Variants in TAFA2 observed in about 807,000 individuals in gnomAD.
The protein encoded by TAFA2 is chemokine-like protein TAFA-2.
TAFA2 carries 7 observed loss-of-function variants against 18.8 expected under a neutral mutation model. The observed-to-expected ratio is 0.37, with a 90% CI of 0.21 to 0.70. The LOEUF is 0.70. Among genes scored for constraint, TAFA2 ranks in the 30% least tolerant of loss-of-function variants. The pLI, the probability that TAFA2 is intolerant of heterozygous loss-of-function variation, is 0.53. For synonymous variants in TAFA2, 60 were observed against 54.2 expected, an observed-to-expected ratio of 1.11 and a Z score of -0.47; for missense variants, 122 against 158.1, an observed-to-expected ratio of 0.77 and a Z score of 1.23.
chr12:61,877,906 T>C (rs1380520813), intron 1 of TAFA2, among the ~76,000 whole-genome samples: 1 of 133,974 alleles, frequency 7.5e-6, no homozygotes, highest in African/African-American at 3.1e-5. Context: ...GTGATTTTTA[T>C]ATATATATAT....
At chr12:62,005,699 A>G (rs755287580) in intron 1 of TAFA2, among the ~76,000 whole-genome samples, 3 of 152,116 alleles carry the variant, frequency 2.0e-5, no homozygotes, top group Non-Finnish European at 4.4e-5. Context: ...TAAACTAGAA[A>G]GCAGGTTCCC....
chr12:61,750,440 C>T (rs1868957266), intron 4 of TAFA2, among the ~76,000 whole-genome samples: 1 of 152,074 alleles, frequency 6.6e-6, no homozygotes, highest in African/African-American at 2.4e-5. Flanking sequence ...CACTCAAGTT[C>T]CAAAAATGAC....
intron 1 of TAFA2, chr12:61,879,757 C>G: frequency 7.4e-7 from 1 of 1,358,800 alleles, no homozygotes; most frequent in Non-Finnish European, 1.0e-6. Context: ...GCTACATCAA[C>G]AACCTTAGGT....
chr12:61,887,663 C>G (rs1244530229), intron 1 of TAFA2, among the ~76,000 whole-genome samples: 3 of 147,494 alleles, frequency 2.0e-5, no homozygotes. Flanking sequence ...CAATTCCCAC[C>G]TAAGAGTGAG....
chr12:62,119,845 G>A (rs566042288), intron 1 of TAFA2, among the ~76,000 whole-genome samples: 2 of 151,936 alleles, frequency 1.3e-5, no homozygotes, highest in South Asian at 2.1e-4. Context: ...AGGCCGAGAC[G>A]GTTGGATCAC....
intron 1 of TAFA2, among the ~76,000 whole-genome samples, chr12:62,254,297 C>A (rs1464745899): frequency 1.3e-5 from 2 of 152,040 alleles, no homozygotes; most frequent in African/African-American, 2.4e-5. Context: ...TTAAATGAAT[C>A]CTATAAAAGA....
chr12:62,165,877 G>A (rs911460225), intron 1 of TAFA2, among the ~76,000 whole-genome samples: 2 of 150,700 alleles, frequency 1.3e-5, no homozygotes, highest in Non-Finnish European at 3.0e-5. Context: ...AATTTAACAT[G>A]TTGCCAGTTT....
chr12:61,963,649 C>T (rs1049938745), intron 1 of TAFA2, among the ~76,000 whole-genome samples: 4 of 151,662 alleles, frequency 2.6e-5, no homozygotes, highest in Non-Finnish European at 5.9e-5. Flanking sequence ...GATTGCCATA[C>T]TGCCCAAAGT....
chr12:62,245,482 G>C (rs1181892192), intron 1 of TAFA2, among the ~76,000 whole-genome samples: 1 of 151,534 alleles, frequency 6.6e-6, no homozygotes, highest in African/African-American at 2.4e-5. Context: ...TCAATAAATA[G>C]AGACAATTTT....
intron 1 of TAFA2, among the ~76,000 whole-genome samples, chr12:62,036,369 G>A (rs1881612066): frequency 1.3e-5 from 2 of 152,224 alleles, no homozygotes. Flanking sequence ...AAATGCTGCA[G>A]CTGCCAGATA....
At position 62,165,652 on chromosome 12, in the gene TAFA2, T is replaced by G. The variant is rs566925248; in HGVS notation, c.-2+25607A>C. On this transcript the variant is annotated intron_variant, in intron 1 of 4. Transcript: ENST00000416284. Reference sequence around the variant, plus strand: ...CTCCAGTCTTGAAACCATAGAGATATCTCTGTGTTTCCTCACCCTTCGTAA... The same window carrying G: ...CTCCAGTCTTGAAACCATAGAGATAGCTCTGTGTTTCCTCACCCTTCGTAA... Among the ~76,000 whole-genome samples, 9 of 152,198 alleles carry G rather than the reference T, an allele frequency of 5.9e-5. No homozygotes were observed. In the East Asian group the frequency reaches 1.7e-3, roughly 29 times the overall value.
Position 61,844,422 on chromosome 12 carries a change from T to C in TAFA2, c.106+22898A>G, listed in dbSNP as rs561686947. ...AAAATAGAATAAAAAGTTTGTTTTATTATTATTGCAACAGTACACGAGAAA... is the reference window on the plus strand; with the variant it reads ...AAAATAGAATAAAAAGTTTGTTTTACTATTATTGCAACAGTACACGAGAAA... On this transcript the variant is annotated intron_variant, in intron 2 of 4. Coordinates refer to ENST00000416284, the MANE Select transcript of TAFA2 (RefSeq NM_178539.5). Among the ~76,000 whole-genome samples, 12 of 152,252 alleles carry C rather than the reference T, an allele frequency of 7.9e-5. No homozygotes were observed. The South Asian group carries it at 2.5e-3, about 32-fold the overall frequency.
intron 1 of TAFA2, chr12:61,890,481 G>A (rs1875581230): frequency 6.6e-6 from 1 of 152,228 alleles, no homozygotes; most frequent in Admixed American, 6.5e-5. Context: ...AGGGGCTAAT[G>A]AATGTTACAC....
At chr12:61,765,564 C>A (rs76841399) in intron 2 of TAFA2, among the ~76,000 whole-genome samples, 1 of 151,914 alleles carries the variant, frequency 6.6e-6, no homozygotes, top group African/African-American at 2.4e-5. Context: ...GAGCAGAGAA[C>A]GGAAATATAT....
intron 1 of TAFA2, among the ~76,000 whole-genome samples, chr12:62,121,436 G>A (rs1460280423): frequency 2.0e-5 from 3 of 152,146 alleles, no homozygotes; most frequent in Non-Finnish European, 2.9e-5. Flanking sequence ...GAGACTCAGT[G>A]ACTAAATCTA....
intron 1 of TAFA2, among the ~76,000 whole-genome samples, chr12:62,135,562 A>C (rs773742133): frequency 1.7e-5 from 2 of 115,090 alleles, no homozygotes; most frequent in Admixed American, 8.3e-5. Context: ...GGTTATTTGA[A>C]AATAAAATTA....
chr12:61,902,705 A>T (rs950109794), intron 1 of TAFA2, among the ~76,000 whole-genome samples: 4 of 152,166 alleles, frequency 2.6e-5, no homozygotes, highest in African/African-American at 7.2e-5. Context: ...GTTCATTCAC[A>T]ACATTTTTCT....
At chr12:62,144,865 T>C (rs1315610937) in intron 1 of TAFA2, among the ~76,000 whole-genome samples, 1 of 152,188 alleles carries the variant, frequency 6.6e-6, no homozygotes, top group Non-Finnish European at 1.5e-5. Context: ...CTAGTAGTTA[T>C]GCCTCAACCA....
chr12:61,941,115 G>C (rs1877986528), intron 1 of TAFA2, among the ~76,000 whole-genome samples: 1 of 151,954 alleles, frequency 6.6e-6, no homozygotes, highest in South Asian at 2.1e-4. Context: ...TTTAAATACA[G>C]ATCATATATT....
Sources: gnomAD v4.1 joint callset for allele counts (sites outside exome capture counted in the v4.1 genomes callset) on GRCh38, gnomAD v4.1.1 for gene constraint, MANE v1.5 for transcripts, NCBI Gene and HGNC (gene_info 2026-07-23, HGNC 2026-07-21) for gene names.